The following LANCL3 variants were observed in gnomAD, a reference collection of about 807,000 sequenced individuals.
The protein encoded by LANCL3 is LanC like family member 3, also known as lanC-like protein 3.
Under a neutral mutation model 26.5 loss-of-function variants are expected in LANCL3, and 19 were observed. The ratio of observed to expected loss-of-function variants is 0.72; its 90% CI spans 0.50 to 1.05. LANCL3 has a LOEUF of 1.05. Ranked by LOEUF, LANCL3 falls within the 50% of genes least tolerant of loss-of-function variation. LANCL3 has a pLI of 0.00. For missense variants in LANCL3, 318 were observed against 362.7 expected (o/e 0.88, Z 1.00); for synonymous variants, 160 against 166.6 (o/e 0.96, Z 0.30).
intron 1 of LANCL3, among the ~76,000 whole-genome samples, chrX:37,641,575 A>G (rs1925864106): frequency 1.8e-5 from 2 of 111,411 alleles, no homozygotes; most frequent in Non-Finnish European, 3.8e-5. Context: ...CTAAAGGAAA[A>G]AGGAAGAAAG....
At chrX:37,610,810 C>G (rs185907962) in intron 1 of LANCL3, among the ~76,000 whole-genome samples, 1 of 112,665 alleles carries the variant, frequency 8.9e-6, no homozygotes, top group Non-Finnish European at 1.9e-5. Context: ...AAGATTAGAA[C>G]TTCACCTATA....
chrX:37,628,487 T>G (rs893526644), intron 1 of LANCL3, among the ~76,000 whole-genome samples: 5 of 109,468 alleles, frequency 4.6e-5, no homozygotes, highest in African/African-American at 1.7e-4. Context: ...AGGGTACATG[T>G]GCACAATGTG....
intron 1 of LANCL3, among the ~76,000 whole-genome samples, chrX:37,654,706 T>G (rs782205774): frequency 1.2e-3 from 135 of 111,896 alleles, no homozygotes; most frequent in Non-Finnish European, 1.6e-3. Context: ...AAACTGTCAC[T>G]TATTTACTCA....
chrX:37,606,326 A>G lies in LANCL3; in HGVS notation c.573+33883A>G, dbSNP rs782028851. On this transcript the variant is annotated intron_variant, in intron 1 of 4. Transcript: ENST00000378619. ...AGAAGGAAATTAGGTGTTCAGCATA[A>G]GTCACATTGTTTGCACAATTTAGAT... Among the ~76,000 whole-genome samples the G allele has an allele frequency of 2.7e-5, 3 of 112,081 alleles. No individual in the cohort carries two copies. The East Asian group carries it at 8.4e-4, about 31-fold the overall frequency.
chrX:37,576,816 G>C (rs1287855084), intron 1 of LANCL3, among the ~76,000 whole-genome samples: 1 of 112,355 alleles, frequency 8.9e-6, no homozygotes, highest in Non-Finnish European at 1.9e-5. Context: ...GCAGCGTCCT[G>C]GCTTATCACT....
Position 37,670,597 on chromosome X carries a change from AT to A in LANCL3, c.1103+3115del, listed in dbSNP as rs782205833. Among the ~76,000 whole-genome samples, 588 of 111,274 alleles carry A rather than the reference AT, an allele frequency of 5.3e-3. 5 individuals carry two copies. Among genetic ancestry groups the A allele is most frequent in the African/African-American group, 0.017 (525 of 30,786 alleles). The stretch of plus-strand genomic sequence containing the variant: ...AGTTACCCCCATGATTTGAAATTCC[AT>A]TTTTTTATAAACTGAATTTATATAA... On this transcript the variant is annotated intron_variant, in intron 4 of 4. Transcript: ENST00000378619.
chrX:37,633,416 T>C (rs1369205895), intron 1 of LANCL3, among the ~76,000 whole-genome samples: 4 of 111,760 alleles, frequency 3.6e-5, no homozygotes, highest in African/African-American at 6.5e-5. Context: ...TCTGAAGCCT[T>C]CTTCTCTCAC....
intron 1 of LANCL3, among the ~76,000 whole-genome samples, chrX:37,625,000 A>G (rs1925276197): frequency 9.0e-6 from 1 of 111,586 alleles, no homozygotes; most frequent in Non-Finnish European, 1.9e-5. Flanking sequence ...GCCTGTGTAT[A>G]GAAGAAAACC....
At chrX:37,647,663 G>A (rs1388616514) in intron 1 of LANCL3, among the ~76,000 whole-genome samples, 1 of 112,229 alleles carries the variant, frequency 8.9e-6, no homozygotes. Context: ...GGGCATTTTG[G>A]ACTCTTGCAT....
intron 1 of LANCL3, among the ~76,000 whole-genome samples, chrX:37,645,279 C>G (rs188878052): frequency 8.9e-6 from 1 of 112,344 alleles, no homozygotes; most frequent in East Asian, 2.8e-4. Context: ...ATGTTTATAA[C>G]TGAAATTCCA....
chrX:37,614,270 T>A (rs1220335739), intron 1 of LANCL3, among the ~76,000 whole-genome samples: 5 of 111,328 alleles, frequency 4.5e-5, no homozygotes, highest in Non-Finnish European at 9.4e-5. Context: ...GTAAAAAAAA[T>A]ACCCATGCCT....
chrX:37,669,804 G>T (rs911404835), intron 4 of LANCL3, among the ~76,000 whole-genome samples: 13 of 112,029 alleles, frequency 1.2e-4, no homozygotes, highest in African/African-American at 4.2e-4. Flanking sequence ...TTGCTATGTT[G>T]CCCAGGCTGG....
chrX:37,596,798 C>T (rs933859469), intron 1 of LANCL3, among the ~76,000 whole-genome samples: 5 of 112,158 alleles, frequency 4.5e-5, no homozygotes, highest in Non-Finnish European at 9.4e-5. Flanking sequence ...CAAATATTGC[C>T]TCTTCTCCAT....
At chrX:37,592,157 G>A (rs1556419057) in intron 1 of LANCL3, among the ~76,000 whole-genome samples, 1 of 111,702 alleles carries the variant, frequency 9.0e-6, no homozygotes, top group African/African-American at 3.3e-5. Context: ...AACATTGGCA[G>A]CCACTGCCTC....
At chrX:37,576,434 C>T (rs1181594790) in intron 1 of LANCL3, among the ~76,000 whole-genome samples, 5 of 111,418 alleles carry the variant, frequency 4.5e-5, no homozygotes, top group South Asian at 3.8e-4. Flanking sequence ...TAGCAGACAA[C>T]GGCAGAGGGA....
chrX:37,593,447 C>T, intron 1 of LANCL3, among the ~76,000 whole-genome samples: 1 of 111,615 alleles, frequency 9.0e-6, no homozygotes, highest in Non-Finnish European at 1.9e-5. Flanking sequence ...TATATAATGC[C>T]TAAATGAACA....
chrX:37,660,702 T>C (rs1926397582), intron 3 of LANCL3, among the ~76,000 whole-genome samples: 2 of 111,790 alleles, frequency 1.8e-5, no homozygotes, highest in Non-Finnish European at 3.8e-5. Flanking sequence ...TCTGTAGTTT[T>C]TTTACCTGAG....
intron 1 of LANCL3, among the ~76,000 whole-genome samples, chrX:37,629,052 A>C (rs1404617873): frequency 4.5e-4 from 48 of 106,825 alleles, no homozygotes; most frequent in Non-Finnish European, 6.0e-4. Context: ...GAACTAGTTT[A>C]CAGTCCCACC....
At chrX:37,662,154 C>T (rs181105944) in intron 3 of LANCL3, among the ~76,000 whole-genome samples, 2 of 112,245 alleles carry the variant, frequency 1.8e-5, no homozygotes, top group East Asian at 5.6e-4. Context: ...GTGAACAAGA[C>T]ATTTTTAAAT....
Sources: allele counts gnomAD v4.1 joint callset (sites outside exome capture counted in the v4.1 genomes callset), GRCh38; gene constraint gnomAD v4.1.1; transcripts MANE v1.5; gene names NCBI Gene and HGNC (gene_info 2026-07-23, HGNC 2026-07-21).